Variants in SEPTIN7 observed in about 807,000 individuals in gnomAD.
SEPTIN7 encodes the protein septin-7.
SEPTIN7 carries 10 observed loss-of-function variants against 63.3 expected under a neutral mutation model. That is an observed-to-expected ratio of 0.16 (90% confidence interval 0.10 to 0.27). SEPTIN7 has a LOEUF of 0.27. Among genes scored for constraint, SEPTIN7 ranks in the 10% least tolerant of loss-of-function variants. The pLI is 1.00. For synonymous variants in SEPTIN7, 131 were observed against 165.3 expected (o/e 0.79, Z 1.59); for missense variants, 310 against 521.0 (o/e 0.59, Z 3.94).
intron 3 of SEPTIN7, among the ~76,000 whole-genome samples, chr7:35,836,377 T>C (rs1042995886): frequency 6.6e-6 from 1 of 152,220 alleles, no homozygotes; most frequent in African/African-American, 2.4e-5. Flanking sequence ...AAACAGGTAG[T>C]ATTAAACCTA....
intron 9 of SEPTIN7, among the ~76,000 whole-genome samples, chr7:35,884,488 T>C (rs1787101575): frequency 1.3e-5 from 2 of 152,198 alleles, no homozygotes; most frequent in Admixed American, 6.5e-5. Context: ...TTAAGTCTAT[T>C]TCTGTTTTCA....
At position 35,906,284 on chromosome 7, in the gene SEPTIN7, A is replaced by G. The variant is rs1281145188; in HGVS notation, c.*1991A>G. On this transcript the variant is annotated 3_prime_UTR_variant, in exon 14 of 14. Transcript: ENST00000350320. ...AACTTTCAGAAGTCTTTCTTTATCCATGGCATGCCCAGGGTTTTACCTGAA... is the reference window on the plus strand; with the variant it reads ...AACTTTCAGAAGTCTTTCTTTATCCGTGGCATGCCCAGGGTTTTACCTGAA... 1.3e-5 allele frequency: 2 copies of G among 152,344 alleles called. No homozygotes were observed. The highest frequency in any genetic ancestry group is 2.1e-4 in the South Asian group (1 of 4,830). The allele number at this position is 152,344 out of a possible 1,614,324, so 9.4% of individuals were successfully genotyped here. A position where few individuals can be genotyped will look rare whatever the true frequency, so the allele number is the denominator to read the frequency against.
the SEPTIN7 span, among the ~76,000 whole-genome samples, chr7:35,915,308 C>G: frequency 6.6e-6 from 1 of 152,134 alleles, no homozygotes; most frequent in Non-Finnish European, 1.5e-5. Flanking sequence ...TGCACCTGCT[C>G]ATACACACAC....
At chr7:35,901,556 T>G (rs917298710) in intron 12 of SEPTIN7, 2 of 152,224 alleles carry the variant, frequency 1.3e-5, no homozygotes, top group African/African-American at 4.8e-5. Context: ...AAAAGGCATC[T>G]GACCCCATGG....
chr7:35,840,357 C>T (rs1034910359), intron 3 of SEPTIN7, among the ~76,000 whole-genome samples: 1 of 149,994 alleles, frequency 6.7e-6, no homozygotes, highest in Non-Finnish European at 1.5e-5. Context: ...CCCCTGGACT[C>T]AAGTGATCGT....
intron 3 of SEPTIN7, among the ~76,000 whole-genome samples, chr7:35,833,645 T>C (rs1783942845): frequency 6.6e-6 from 1 of 152,038 alleles, no homozygotes; most frequent in African/African-American, 2.4e-5. Context: ...GTTACGAATA[T>C]TGTATAGTGT....
chr7:35,826,765 C>T (rs116526994), intron 1 of SEPTIN7, among the ~76,000 whole-genome samples: 2,759 of 152,088 alleles, frequency 0.018, 91 homozygotes, highest in African/African-American at 0.063. Context: ...AAATAAGTTG[C>T]TGCTTTTTCC....
intron 4 of SEPTIN7, among the ~76,000 whole-genome samples, chr7:35,868,643 G>T (rs570448363): frequency 6.1e-4 from 93 of 152,230 alleles, no homozygotes; most frequent in African/African-American, 2.2e-3. Flanking sequence ...CTAGGAGTGA[G>T]TATAGAGGAC....
chr7:35,901,440 G>T (rs1788315356), intron 12 of SEPTIN7: 1 of 152,126 alleles, frequency 6.6e-6, no homozygotes, highest in Non-Finnish European at 1.5e-5. Context: ...TAATGTGTTT[G>T]ATTATACTTG....
intron 11 of SEPTIN7, among the ~76,000 whole-genome samples, chr7:35,893,134 C>A (rs1787749919): frequency 6.6e-6 from 1 of 152,042 alleles, no homozygotes; most frequent in Non-Finnish European, 1.5e-5. Flanking sequence ...CAGTACATAT[C>A]CATGAATAAC....
intron 3 of SEPTIN7, among the ~76,000 whole-genome samples, chr7:35,850,282 A>C (rs1784897234): frequency 1.3e-5 from 2 of 152,210 alleles, no homozygotes; most frequent in Admixed American, 1.3e-4. Flanking sequence ...GCATTTAATT[A>C]ATAAAGTAGG....
At chr7:35,907,178 T>G (rs1457680347), downstream of SEPTIN7, 2 of 152,204 alleles carry the variant, frequency 1.3e-5, no homozygotes, top group Non-Finnish European at 2.9e-5. Context: ...TAGTTAATAG[T>G]TATTGTTGAA....
chr7:35,806,496 C>G (rs1218861847), intron 1 of SEPTIN7, among the ~76,000 whole-genome samples: 1 of 152,142 alleles, frequency 6.6e-6, no homozygotes, highest in Non-Finnish European at 1.5e-5. Context: ...ACCCAGGAGT[C>G]TACATTTCCA....
chr7:35,806,615 C>G (rs1401541167), intron 1 of SEPTIN7, among the ~76,000 whole-genome samples: 1 of 152,222 alleles, frequency 6.6e-6, no homozygotes, highest in Non-Finnish European at 1.5e-5. Flanking sequence ...ATACACACAT[C>G]TTGTAGCCTT....
intron 1 of SEPTIN7, among the ~76,000 whole-genome samples, chr7:35,817,265 G>T (rs924118263): frequency 2.0e-5 from 3 of 151,946 alleles, no homozygotes; most frequent in Non-Finnish European, 4.4e-5. Flanking sequence ...TTTTGTATGT[G>T]GCTATCCAGT....
chr7:35,854,759 T>G (rs529280372), intron 3 of SEPTIN7, among the ~76,000 whole-genome samples: 1 of 152,252 alleles, frequency 6.6e-6, no homozygotes, highest in Non-Finnish European at 1.5e-5. Context: ...GTATAACATA[T>G]TATCAACCCC....
chr7:35,845,597 A>C (rs1375150715), intron 3 of SEPTIN7, among the ~76,000 whole-genome samples: 1 of 152,178 alleles, frequency 6.6e-6, no homozygotes, highest in Admixed American at 6.5e-5. Context: ...AGTAGCTTAG[A>C]TTCTTAAAAA....
chr7:35,816,104 AT>A (rs1789040743), intron 1 of SEPTIN7, among the ~76,000 whole-genome samples: 1 of 152,170 alleles, frequency 6.6e-6, no homozygotes. Context: ...ATGCCATAAA[AT>A]ATACCCCTTG....
rs189125464 is a variant in SEPTIN7, at chr7:35,875,924, A to G, written c.512+2149A>G. On this transcript the variant is annotated intron_variant, in intron 6 of 13. Transcript: ENST00000350320. ...GGATTTTCTGTTGCTTAAAAACAAG[A>G]TTTAAAAACTAAATTTGTTGATGAA... 9.8e-5 allele frequency among the ~76,000 whole-genome samples: 15 copies of G among 152,290 alleles called. No homozygotes were observed. The East Asian group carries it at 1.7e-3, about 18-fold the overall frequency.
Sources: allele counts gnomAD v4.1 joint callset (sites outside exome capture counted in the v4.1 genomes callset), GRCh38; gene constraint gnomAD v4.1.1; transcripts MANE v1.5; gene names NCBI Gene and HGNC (gene_info 2026-07-23, HGNC 2026-07-21).